MCPH1: variants seen among roughly 807,000 people sequenced by gnomAD.
MCPH1 encodes the protein microcephalin.
In MCPH1, 104 loss-of-function variants were observed where a neutral mutation model predicts 84.5. The observed-to-expected ratio is 1.23, with a 90% confidence interval of 1.05 to 1.45. The LOEUF is 1.45. Ranked by LOEUF, MCPH1 falls within the 40% of genes most tolerant of loss-of-function variation. The pLI is 0.00. For missense variants in MCPH1, 1,498 were observed against 1,005.7 expected (o/e 1.49, Z -6.62); for synonymous variants, 514 against 366.8 (o/e 1.40, Z -4.58).
intron 3 of MCPH1, among the ~76,000 whole-genome samples, chr8:6,417,855 A>G (rs1322812634): frequency 6.6e-6 from 1 of 152,168 alleles, no homozygotes; most frequent in Non-Finnish European, 1.5e-5. Flanking sequence ...TCATATGGCA[A>G]ATAATTTGAG....
chr8:6,513,068 T>TA (rs1462562235), intron 12 of MCPH1, among the ~76,000 whole-genome samples: 2 of 152,250 alleles, frequency 1.3e-5, no homozygotes, highest in African/African-American at 4.8e-5. Flanking sequence ...TGGGAACACT[T>TA]ACTATTCACT....
At chr8:6,596,632 G>C (rs1828944806) in intron 12 of MCPH1, among the ~76,000 whole-genome samples, 1 of 152,142 alleles carries the variant, frequency 6.6e-6, no homozygotes, top group Non-Finnish European at 1.5e-5. Context: ...GGGGTGCACA[G>C]AGGAACCCCT....
intron 9 of MCPH1, among the ~76,000 whole-genome samples, chr8:6,467,089 C>CTAA (rs1385787717): frequency 6.6e-6 from 1 of 151,894 alleles, no homozygotes; most frequent in African/African-American, 2.4e-5. Flanking sequence ...ATTAATGAGG[C>CTAA]GTTATAATAG....
intron 11 of MCPH1, among the ~76,000 whole-genome samples, chr8:6,485,380 G>C (rs1265055469): frequency 6.6e-6 from 1 of 151,914 alleles, no homozygotes; most frequent in African/African-American, 2.4e-5. Flanking sequence ...GGAGATGTTT[G>C]AGCACTGGTA....
intron 12 of MCPH1, among the ~76,000 whole-genome samples, chr8:6,563,685 A>C (rs962746876): frequency 6.6e-6 from 1 of 152,244 alleles, no homozygotes; most frequent in Non-Finnish European, 1.5e-5. Context: ...AAGAGGAAGA[A>C]GTTTGGCTCC....
At chr8:6,587,136 C>G (rs1314818236) in intron 12 of MCPH1, among the ~76,000 whole-genome samples, 1 of 152,116 alleles carries the variant, frequency 6.6e-6, no homozygotes, top group Non-Finnish European at 1.5e-5. Context: ...GTGCACGTCT[C>G]TGGTGGTCTG....
Position 6,457,508 on chromosome 8 carries a change from G to A in MCPH1, c.1935+2256G>A, listed in dbSNP as rs150216322. On this transcript the variant is annotated intron_variant, in intron 9 of 13. Transcript: ENST00000344683. ...TAATCCCAGCTGCTCAAGAGACTGA[G>A]GTGGGAGAATCACCTGAACCCAGGA... is the stretch of plus-strand genomic sequence containing the variant. Among the ~76,000 whole-genome samples, 46 of 151,798 alleles carry A rather than the reference G, an allele frequency of 3.0e-4. 1 individual carries two copies. The East Asian group carries it at 6.4e-3, about 21-fold the overall frequency.
At chr8:6,423,199 T>C (rs2129552935) in intron 3 of MCPH1, among the ~76,000 whole-genome samples, 1 of 145,606 alleles carries the variant, frequency 6.9e-6, no homozygotes, top group African/African-American at 2.6e-5. Flanking sequence ...TCTTTTTTTT[T>C]TTTTTTTTGA....
intron 11 of MCPH1, among the ~76,000 whole-genome samples, chr8:6,498,666 T>C (rs1456805496): frequency 6.6e-6 from 1 of 152,216 alleles, no homozygotes; most frequent in Non-Finnish European, 1.5e-5. Flanking sequence ...CACTGGTACG[T>C]TGTATTTCTC....
chr8:6,421,286 A>T (rs770138489), intron 3 of MCPH1, among the ~76,000 whole-genome samples: 6 of 152,286 alleles, frequency 3.9e-5, no homozygotes, highest in Non-Finnish European at 7.4e-5. Flanking sequence ...CTGCCAATTT[A>T]TCACTTTTAG....
rs1274602648 is a variant in MCPH1 at position 6,570,858 on chromosome 8, A to G, written c.2215-50596A>G. Among the ~76,000 whole-genome samples the G allele has an allele frequency of 2.9e-5, 4 of 140,220 alleles. No individual in the cohort carries two copies. The East Asian group carries it at 8.3e-4, about 29-fold the overall frequency. 92.0% of individuals were successfully genotyped at this position (140,220 alleles called of 152,430 possible). A position where few individuals can be genotyped will look rare whatever the true frequency, so the allele number is the denominator to read the frequency against. ...CTTAAGAGATTCCCGAATCTTTCAC[A>G]GTTTGTACTACCGCAAACCAGCCTA... On this transcript the variant is annotated intron_variant, in intron 12 of 13. Coordinates refer to ENST00000344683, the MANE Select transcript of MCPH1 (RefSeq NM_024596.5).
chr8:6,489,916 A>G (rs1025072699), intron 11 of MCPH1, among the ~76,000 whole-genome samples: 9 of 152,252 alleles, frequency 5.9e-5, no homozygotes, highest in Non-Finnish European at 1.0e-4. Flanking sequence ...AATACTTTAA[A>G]TGGATAAGGC....
intron 3 of MCPH1, among the ~76,000 whole-genome samples, chr8:6,424,207 A>T (rs2920686): frequency 0.019 from 2,825 of 152,344 alleles, 35 homozygotes; most frequent in Non-Finnish European, 0.029. Context: ...TGAAGAAAGA[A>T]TACATAAAGT....
intron 9 of MCPH1, chr8:6,474,312 C>T: frequency 2.0e-6 from 1 of 505,114 alleles, no homozygotes; most frequent in Non-Finnish European, 3.6e-6. Context: ...TTTTTCCAAC[C>T]TCTGGTGTAC....
At chr8:6,442,699 C>T (rs1046690700) in intron 7 of MCPH1, among the ~76,000 whole-genome samples, 6 of 152,200 alleles carry the variant, frequency 3.9e-5, no homozygotes, top group Admixed American at 3.3e-4. Flanking sequence ...TTTTCATGGT[C>T]ATATCTTCTT....
In MCPH1 at chr8:6,468,602, A is replaced by C. The variant is rs1288515389; in HGVS notation, c.1936-8992A>C. Among the ~76,000 whole-genome samples, 4 of 150,134 alleles carry C rather than the reference A, an allele frequency of 2.7e-5. 1 individual carries two copies. In the South Asian group the frequency reaches 8.4e-4, roughly 31 times the overall value. ...GGTGGTGCAGATGTATTGTTTGAACACTTTAGACACTAATGATGAACTACT... is the reference window on the plus strand; with the variant it reads ...GGTGGTGCAGATGTATTGTTTGAACCCTTTAGACACTAATGATGAACTACT... On this transcript the variant is annotated intron_variant, in intron 9 of 13. Coordinates refer to ENST00000344683, the MANE Select transcript of MCPH1 (RefSeq NM_024596.5).
intron 3 of MCPH1, among the ~76,000 whole-genome samples, chr8:6,425,409 G>C (rs745545535): frequency 2.6e-5 from 4 of 152,200 alleles, no homozygotes; most frequent in Non-Finnish European, 5.9e-5. Flanking sequence ...ATGGGTTTCA[G>C]TGTAGCAGCT....
chr8:6,619,349 G>T (rs1831176897), intron 12 of MCPH1: 1 of 152,358 alleles, frequency 6.6e-6, no homozygotes, highest in Non-Finnish European at 1.5e-5. Flanking sequence ...GGAGCGCAGT[G>T]GCGCCATCTC....
At chr8:6,475,083 C>G (rs1563259281) in intron 9 of MCPH1, among the ~76,000 whole-genome samples, 1 of 152,210 alleles carries the variant, frequency 6.6e-6, no homozygotes, top group Non-Finnish European at 1.5e-5. Context: ...CTCTTTATTT[C>G]TAAGCCAGTC....
Sources: gnomAD v4.1 joint callset for allele counts (sites outside exome capture counted in the v4.1 genomes callset) on GRCh38, gnomAD v4.1.1 for gene constraint, MANE v1.5 for transcripts, NCBI Gene and HGNC (gene_info 2026-07-23, HGNC 2026-07-21) for gene names.